Variants in ATF2 observed in about 807,000 individuals in gnomAD.
ATF2 encodes activating transcription factor 2.
ATF2 carries 24 observed loss-of-function variants against 60.6 expected under a neutral mutation model. The observed-to-expected ratio is 0.40, with a 90% CI of 0.29 to 0.56. The LOEUF (loss-of-function observed/expected upper bound fraction) is 0.56. Ranked by LOEUF, ATF2 falls within the 20% of genes least tolerant of loss-of-function variation. The pLI is 0.54. For missense variants in ATF2, 433 were observed against 607.7 expected (o/e 0.71, Z 3.02); for synonymous variants, 206 against 215.4 (o/e 0.96, Z 0.38).
intron 12 of ATF2, among the ~76,000 whole-genome samples, chr2:175,090,896 T>G (rs1246043376): frequency 2.0e-5 from 3 of 152,114 alleles, no homozygotes; most frequent in Non-Finnish European, 1.5e-5. Context: ...AAACATGAAA[T>G]AAATGGAGTC....
intron 12 of ATF2, among the ~76,000 whole-genome samples, chr2:175,084,242 C>A (rs551838460): frequency 1.7e-4 from 26 of 151,998 alleles, no homozygotes; most frequent in Non-Finnish European, 3.4e-4. Flanking sequence ...TGGAACCAAC[C>A]AAAATGTCCA....
chr2:175,102,351 ATTAAG>A (rs1574367072), intron 10 of ATF2, among the ~76,000 whole-genome samples: 1 of 152,224 alleles, frequency 6.6e-6, no homozygotes, highest in Admixed American at 6.5e-5. Context: ...TTAGTAATCA[ATTAAG>A]TTAAGCATCT....
At chr2:175,085,045 C>T (rs1694056347) in intron 12 of ATF2, among the ~76,000 whole-genome samples, 1 of 152,202 alleles carries the variant, frequency 6.6e-6, no homozygotes, top group South Asian at 2.1e-4. Flanking sequence ...TACAGCTACA[C>T]TGTTAATTTT....
chr2:175,099,710 AT>A (rs1161980368), intron 10 of ATF2, among the ~76,000 whole-genome samples: 4 of 152,210 alleles, frequency 2.6e-5, no homozygotes, highest in African/African-American at 9.6e-5. Flanking sequence ...ATTGTATAGT[AT>A]CCCCATTTTA....
intron 12 of ATF2, among the ~76,000 whole-genome samples, chr2:175,087,085 C>A (rs1276837492): frequency 6.6e-6 from 1 of 152,004 alleles, no homozygotes; most frequent in Non-Finnish European, 1.5e-5. Context: ...AAAATGTATA[C>A]CTCTTACTAT....
At chr2:175,142,355 G>A (rs940242661) in intron 2 of ATF2, among the ~76,000 whole-genome samples, 2 of 151,912 alleles carry the variant, frequency 1.3e-5, no homozygotes, top group Admixed American at 6.6e-5. Flanking sequence ...TTTTAGTAGA[G>A]ATGGGGTTTC....
intron 4 of ATF2, among the ~76,000 whole-genome samples, chr2:175,124,938 C>T (rs540911819): frequency 1.3e-5 from 2 of 151,888 alleles, no homozygotes; most frequent in Non-Finnish European, 2.9e-5. Flanking sequence ...AATTAACAGG[C>T]ATGTGGAAAA....
Position 175,111,591 on chromosome 2 carries a change from G to C in ATF2, c.805C>G (p.Pro269Ala). The stretch of plus-strand genomic sequence containing the variant: ...ACCATTTTTGCTTCTGACTGTACTG[G>C]TTGGGGAGAGGAAGGACCTGGGATT... ...PGIPGPSSPQ[P>A]VQSEAKMRLK... Residue 269 changes from proline (P) to alanine (A), a missense_variant, in exon 10 of 14, where the codon CCA (proline) becomes GCA (alanine). Physicochemically the swap from Pro to Ala is conservative, Grantham distance 27 (BLOSUM62 -1). Coordinates refer to ENST00000264110, the MANE Select transcript of ATF2 (RefSeq NM_001880.4). The C allele has an allele frequency of 6.2e-7, 1 of 1,613,868 alleles. No individual in the cohort carries two copies. The highest frequency in any genetic ancestry group is 8.5e-7 in the Non-Finnish European group (1 of 1,179,848).
chr2:175,114,921 C>T, intron 7 of ATF2, 53 bp from the exon 8 acceptor site: 1 of 1,555,906 alleles, frequency 6.4e-7, no homozygotes, highest in Non-Finnish European at 8.8e-7. Context: ...AAATCATGTA[C>T]CTTAGTGAAC....
At chr2:175,156,567 G>A in intron 1 of ATF2, among the ~76,000 whole-genome samples, 1 of 152,022 alleles carries the variant, frequency 6.6e-6, no homozygotes, top group East Asian at 1.9e-4. Context: ...CATTACTGGA[G>A]GGGGCCACAT....
intron 5 of ATF2, among the ~76,000 whole-genome samples, chr2:175,119,456 T>C (rs1696801245): frequency 6.6e-6 from 1 of 151,584 alleles, no homozygotes; most frequent in African/African-American, 2.4e-5. Flanking sequence ...ACTTCCTATT[T>C]TACCTTTGCC....
At position 175,073,406 on chromosome 2, in the gene ATF2, T is replaced by G. The variant is rs1014752101; in HGVS notation, c.*1203A>C. On this transcript the variant is annotated 3_prime_UTR_variant, in exon 14 of 14. Coordinates refer to ENST00000264110, the MANE Select transcript of ATF2 (RefSeq NM_001880.4). ...AATCATCTATTGGCCAGCATCACAC[T>G]GAAGGCATCGTTAAACATTCAAGCA... 6.6e-6 allele frequency: 1 copy of G among 151,988 alleles called. No homozygotes were observed. Among genetic ancestry groups the G allele is most frequent in the African/African-American group, 2.4e-5 (1 of 41,376 alleles). 9.4% of individuals were successfully genotyped at this position (151,988 alleles called of 1,614,324 possible). A position where few individuals can be genotyped will look rare whatever the true frequency, so the allele number is the denominator to read the frequency against.
At chr2:175,159,832 G>C (rs1055767427) in intron 1 of ATF2, among the ~76,000 whole-genome samples, 1 of 152,068 alleles carries the variant, frequency 6.6e-6, no homozygotes, top group African/African-American at 2.4e-5. Flanking sequence ...AACAACAGTA[G>C]CACAAGTTGT....
chr2:175,072,554 T>A lies in ATF2; in HGVS notation c.*2055A>T, dbSNP rs1035256679. The A allele has an allele frequency of 1.3e-5, 2 of 152,160 alleles. No individual in the cohort carries two copies. Among genetic ancestry groups the A allele is most frequent in the African/African-American group, 4.8e-5 (2 of 41,450 alleles). 9.4% of individuals were successfully genotyped at this position (152,160 alleles called of 1,614,324 possible). ...TTATTTTACAGTTGCAAGAATTCTGTTACCAAAGAACCTTAACTTGCATAA... is the reference window on the plus strand; with the variant it reads ...TTATTTTACAGTTGCAAGAATTCTGATACCAAAGAACCTTAACTTGCATAA... On this transcript the variant is annotated 3_prime_UTR_variant, in exon 14 of 14. Coordinates refer to ENST00000264110, the MANE Select transcript of ATF2 (RefSeq NM_001880.4).
intron 10 of ATF2, among the ~76,000 whole-genome samples, chr2:175,106,400 G>A (rs1435340386): frequency 1.3e-5 from 2 of 151,712 alleles, no homozygotes; most frequent in African/African-American, 4.8e-5. Flanking sequence ...GGTGGCAGGT[G>A]ACTGTAATCC....
chr2:175,090,896 T>C (rs1246043376), intron 12 of ATF2, among the ~76,000 whole-genome samples: 1 of 152,114 alleles, frequency 6.6e-6, no homozygotes, highest in Non-Finnish European at 1.5e-5. Context: ...AAACATGAAA[T>C]AAATGGAGTC....
At chr2:175,076,745 C>CT (rs796927121) in intron 13 of ATF2, among the ~76,000 whole-genome samples, 80 of 139,850 alleles carry the variant, frequency 5.7e-4, no homozygotes, top group Middle Eastern at 3.6e-3. Context: ...CACCACTATT[C>CT]TTTTTTTTTT....
chr2:175,094,780 T>C (rs533002873), intron 11 of ATF2, among the ~76,000 whole-genome samples: 1 of 152,156 alleles, frequency 6.6e-6, no homozygotes, highest in East Asian at 1.9e-4. Context: ...TCTCTACAAA[T>C]AATTTAAAAA....
chr2:175,111,962 T>G (rs189244584), intron 9 of ATF2, among the ~76,000 whole-genome samples: 162 of 152,334 alleles, frequency 1.1e-3, no homozygotes, highest in African/African-American at 3.5e-3. Flanking sequence ...TCTGTCAAAC[T>G]TCCATTTTGA....
Sources: allele counts gnomAD v4.1 joint callset (sites outside exome capture counted in the v4.1 genomes callset), GRCh38; gene constraint gnomAD v4.1.1; transcripts MANE v1.5; gene names NCBI Gene and HGNC (gene_info 2026-07-23, HGNC 2026-07-21).